Variants in ARMH3 observed in about 807,000 individuals in gnomAD.
The protein encoded by ARMH3 is armadillo-like helical domain-containing protein 3.
Under a neutral mutation model 99.1 loss-of-function variants are expected in ARMH3, and 60 were observed. That is an observed-to-expected ratio of 0.61 (90% CI 0.49 to 0.75). The LOEUF is 0.75. ARMH3 is among the 30% of genes least tolerant of loss of function. The pLI is 0.00. For synonymous variants in ARMH3, 285 were observed against 292.8 expected, an observed-to-expected ratio of 0.97 and a Z score of 0.27; for missense variants, 679 against 843.1, an observed-to-expected ratio of 0.81 and a Z score of 2.41.
chr10:102,046,594 G>A (rs138076064), intron 1 of ARMH3, among the ~76,000 whole-genome samples: 3 of 152,318 alleles, frequency 2.0e-5, no homozygotes, highest in East Asian at 3.9e-4. Flanking sequence ...GGAGGTTGCA[G>A]TGAGCCGAGA....
At chr10:102,005,001 G>A (rs555495024) in intron 14 of ARMH3, among the ~76,000 whole-genome samples, 57 of 152,142 alleles carry the variant, frequency 3.7e-4, no homozygotes, top group East Asian at 5.8e-4. Flanking sequence ...TCAGGAGATC[G>A]AGATCATCCT....
chr10:101,868,582 TTCC>T (rs754271176), intron 24 of ARMH3, among the ~76,000 whole-genome samples: 1 of 152,162 alleles, frequency 6.6e-6, no homozygotes, highest in Non-Finnish European at 1.5e-5. Flanking sequence ...CCTGTCCTCC[TTCC>T]TCCTCCTCAG....
At chr10:102,035,817 G>A (rs187829995) in intron 2 of ARMH3, among the ~76,000 whole-genome samples, 4,157 of 152,314 alleles carry the variant, frequency 0.027, 100 homozygotes, top group Middle Eastern at 0.048. Context: ...GCCTCTGCCC[G>A]GCCGCCACCC....
intron 16 of ARMH3, among the ~76,000 whole-genome samples, chr10:101,994,455 A>G (rs1846961685): frequency 6.6e-6 from 1 of 152,146 alleles, no homozygotes; most frequent in South Asian, 2.1e-4. Context: ...CTTAAGAGAG[A>G]AAAGAGCAGA....
At chr10:101,933,419 C>T (rs1843811509) in intron 23 of ARMH3, among the ~76,000 whole-genome samples, 1 of 152,196 alleles carries the variant, frequency 6.6e-6, no homozygotes, top group Admixed American at 6.5e-5. Context: ...CTTTACCTCA[C>T]TGCAGTTCAC....
intron 24 of ARMH3, among the ~76,000 whole-genome samples, chr10:101,872,953 A>G (rs1234797986): frequency 6.6e-6 from 1 of 150,950 alleles, no homozygotes; most frequent in African/African-American, 2.4e-5. Flanking sequence ...GCAAGACTCC[A>G]TCCCAAAAAA....
At chr10:101,939,726 T>A (rs999988614) in intron 23 of ARMH3, 137 bp downstream of exon 23, 5 of 605,658 alleles carry the variant, frequency 8.3e-6, no homozygotes, top group Non-Finnish European at 1.4e-5. Flanking sequence ...CTTGATCAAG[T>A]ACGACAATTT....
chr10:101,863,135 G>A (rs1387625204), intron 24 of ARMH3, among the ~76,000 whole-genome samples: 3 of 152,176 alleles, frequency 2.0e-5, no homozygotes, highest in Non-Finnish European at 4.4e-5. Context: ...TCCGGGAGGC[G>A]GAGGTTGCGG....
intron 1 of ARMH3, among the ~76,000 whole-genome samples, chr10:102,049,280 G>A (rs1441465148): frequency 6.6e-6 from 1 of 152,164 alleles, no homozygotes; most frequent in Non-Finnish European, 1.5e-5. Flanking sequence ...GGTGGCTCAC[G>A]CCTGTAATCC....
chr10:101,990,502 T>C, intron 19 of ARMH3, 49 bp downstream of exon 19: 4 of 1,408,920 alleles, frequency 2.8e-6, no homozygotes, highest in Non-Finnish European at 4.0e-6. Flanking sequence ...AACATTCAGT[T>C]CTTTAAAATA....
At chr10:102,037,009 G>A (rs959540020) in intron 2 of ARMH3, among the ~76,000 whole-genome samples, 13 of 151,560 alleles carry the variant, frequency 8.6e-5, no homozygotes, top group South Asian at 2.1e-4. Context: ...CCGAGATCAC[G>A]CCACTGCACT....
rs541825956 is a variant in ARMH3 at position 102,000,978 on chromosome 10, G to A, written c.1150+993C>T. Reference sequence around the variant, plus strand: ...ATTACAGGCACATGCCACCACGGCCGGCTAATTTTTGTATTTTTAGTACAG... The same window carrying A: ...ATTACAGGCACATGCCACCACGGCCAGCTAATTTTTGTATTTTTAGTACAG... On this transcript the variant is annotated intron_variant, in intron 15 of 25. Transcript: ENST00000370033. 5.9e-4 allele frequency among the ~76,000 whole-genome samples: 90 copies of A among 151,948 alleles called. 1 individual carries two copies. The Middle Eastern group carries it at 0.01, about 17-fold the overall frequency.
chr10:101,878,692 TG>T (rs1220211246), intron 24 of ARMH3, among the ~76,000 whole-genome samples: 1 of 151,742 alleles, frequency 6.6e-6, no homozygotes, highest in Non-Finnish European at 1.5e-5. Context: ...CTGGGTATGG[TG>T]GCTCATGCCT....
chr10:101,855,358 C>T lies in ARMH3; in HGVS notation c.1861-5466G>A, dbSNP rs541474109. 7.9e-5 allele frequency among the ~76,000 whole-genome samples: 12 copies of T among 151,192 alleles called. No homozygotes were observed. The South Asian group carries it at 1.5e-3, about 19-fold the overall frequency. On this transcript the variant is annotated intron_variant, in intron 24 of 25. Transcript: ENST00000370033. Reference sequence around the variant, plus strand: ...GCTGGGATACAGGCGTGAGCCACCACGCCCAGCTATCATACCTCTTTTTGG... The same window carrying T: ...GCTGGGATACAGGCGTGAGCCACCATGCCCAGCTATCATACCTCTTTTTGG...
chr10:101,940,561 C>G (rs1420513169), intron 22 of ARMH3, among the ~76,000 whole-genome samples: 3 of 152,032 alleles, frequency 2.0e-5, no homozygotes, highest in African/African-American at 7.3e-5. Context: ...AATAACTCGT[C>G]ATTTACATTA....
At chr10:101,918,778 T>C (rs1406013116) in intron 23 of ARMH3, among the ~76,000 whole-genome samples, 3 of 152,230 alleles carry the variant, frequency 2.0e-5, no homozygotes, top group Non-Finnish European at 4.4e-5. Context: ...TTATCATTTG[T>C]AATGTATCCC....
intron 8 of ARMH3, among the ~76,000 whole-genome samples, chr10:102,017,557 T>C (rs1430905372): frequency 4.6e-5 from 7 of 152,198 alleles, no homozygotes; most frequent in Non-Finnish European, 8.8e-5. Flanking sequence ...TTACTGATGA[T>C]AGTGTGTTCC....
chr10:101,982,602 C>T (rs1352162861), intron 19 of ARMH3, among the ~76,000 whole-genome samples: 4 of 152,130 alleles, frequency 2.6e-5, no homozygotes, highest in Non-Finnish European at 5.9e-5. Context: ...AGGGAAACTT[C>T]AACTGTATTT....
In ARMH3 at chr10:102,009,461, G is replaced by A; in HGVS notation, c.879-12C>T. On this transcript the variant is annotated splice_polypyrimidine_tract_variant and intron_variant, in intron 12 of 25. Coordinates refer to ENST00000370033, the MANE Select transcript of ARMH3 (RefSeq NM_024541.3). Reference sequence around the variant, plus strand: ...TGGCCTCATTGGTTCTAAAGAAAAAGAGAACAAATTGGAGCAGTTTTTATA... The same window carrying A: ...TGGCCTCATTGGTTCTAAAGAAAAAAAGAACAAATTGGAGCAGTTTTTATA... 1 of 1,611,158 alleles carries A rather than the reference G, an allele frequency of 6.2e-7. No individual in the cohort carries two copies. Among genetic ancestry groups the A allele is most frequent in the Admixed American group, 1.7e-5 (1 of 59,946 alleles).
Sources: gnomAD v4.1 joint callset for allele counts (sites outside exome capture counted in the v4.1 genomes callset) on GRCh38, gnomAD v4.1.1 for gene constraint, MANE v1.5 for transcripts, NCBI Gene and HGNC (gene_info 2026-07-23, HGNC 2026-07-21) for gene names.